PSD3: variants seen among roughly 807,000 people sequenced by gnomAD.
PSD3 encodes PH and SEC7 domain-containing protein 3.
In PSD3, 49 loss-of-function variants were observed where a neutral mutation model predicts 105.5. The ratio of observed to expected loss-of-function variants is 0.46; its 90% CI spans 0.37 to 0.59. The LOEUF (loss-of-function observed/expected upper bound fraction) is 0.59. PSD3 is among the 20% of genes least tolerant of loss of function. PSD3 has a pLI of 0.00. For synonymous variants in PSD3, 557 were observed against 457.8 expected (o/e 1.22, Z -2.77); for missense variants, 1,561 against 1,263.8 (o/e 1.24, Z -3.57).
At chr8:18,660,911 T>C (rs909363624) in intron 9 of PSD3, among the ~76,000 whole-genome samples, 1 of 152,214 alleles carries the variant, frequency 6.6e-6, no homozygotes, top group African/African-American at 2.4e-5. Context: ...AGAAAATTGC[T>C]TAAATTACAG....
intron 12 of PSD3, among the ~76,000 whole-genome samples, chr8:18,586,347 T>C (rs1803184164): frequency 6.6e-6 from 1 of 152,160 alleles, no homozygotes; most frequent in Non-Finnish European, 1.5e-5. Context: ...TTATTTGTTT[T>C]TCGGAGGGGG....
chr8:18,949,244 A>AAAAAAAAAAAAT (rs1345423514), intron 1 of PSD3, among the ~76,000 whole-genome samples: 10 of 14,408 alleles, frequency 6.9e-4, no homozygotes, highest in Non-Finnish European at 1.4e-3. Flanking sequence ...AAAAAAAAAA[A>AAAAAAAAAAAAT]ATATATATAT....
intron 1 of PSD3, among the ~76,000 whole-genome samples, chr8:19,040,999 C>T (rs893894355): frequency 2.6e-5 from 4 of 152,126 alleles, no homozygotes; most frequent in African/African-American, 9.7e-5. Context: ...CTCAAGTGAT[C>T]CTCTTGCCTC....
chr8:18,561,543 G>A (rs1238814787), intron 14 of PSD3, among the ~76,000 whole-genome samples: 1 of 152,156 alleles, frequency 6.6e-6, no homozygotes, highest in Non-Finnish European at 1.5e-5. Flanking sequence ...TGTGTATCAT[G>A]ATGGCTAGAG....
intron 1 of PSD3, among the ~76,000 whole-genome samples, chr8:18,972,312 T>C (rs968921513): frequency 1.3e-5 from 2 of 152,206 alleles, no homozygotes; most frequent in East Asian, 3.9e-4. Flanking sequence ...AACGCTGTTA[T>C]AATGTTCAGA....
intron 9 of PSD3, among the ~76,000 whole-genome samples, chr8:18,720,681 C>CT (rs1412357836): frequency 1.3e-5 from 2 of 152,150 alleles, no homozygotes; most frequent in African/African-American, 4.8e-5. Flanking sequence ...CAAACCCATC[C>CT]TCCCTGCCTG....
At chr8:18,821,103 T>C (rs1006929350) in intron 4 of PSD3, among the ~76,000 whole-genome samples, 1 of 152,142 alleles carries the variant, frequency 6.6e-6, no homozygotes, top group Non-Finnish European at 1.5e-5. Flanking sequence ...TTTTCATTTA[T>C]AGGTCATGAC....
At chr8:18,984,192 A>AAATAATAATAATAATAATAATAAT (rs59486224) in intron 1 of PSD3, among the ~76,000 whole-genome samples, 2 of 146,418 alleles carry the variant, frequency 1.4e-5, no homozygotes, top group Non-Finnish European at 3.0e-5. Context: ...CCTTCAATTA[A>AAATAATAATAATAATAATAATAAT]AATAATAATA....
At chr8:18,916,380 A>C (rs866535894) in intron 2 of PSD3, among the ~76,000 whole-genome samples, 6,101 of 141,464 alleles carry the variant, frequency 0.043, 350 homozygotes, top group Admixed American at 0.071. Flanking sequence ...ACACACACAA[A>C]CAGAATACTA....
intron 8 of PSD3, among the ~76,000 whole-genome samples, chr8:18,798,317 T>G (rs56153799): frequency 0.062 from 9,465 of 152,214 alleles, 363 homozygotes; most frequent in Middle Eastern, 0.095. Context: ...TAGCTGAGTA[T>G]TTTGAGATAT....
At chr8:18,969,206 C>T (rs1423760257) in intron 1 of PSD3, among the ~76,000 whole-genome samples, 3 of 152,176 alleles carry the variant, frequency 2.0e-5, no homozygotes, top group African/African-American at 7.2e-5. Flanking sequence ...TTAATAACAG[C>T]TGTAAAGTGC....
chr8:18,855,984 G>A (rs992975423), intron 4 of PSD3, among the ~76,000 whole-genome samples: 1 of 152,158 alleles, frequency 6.6e-6, no homozygotes, highest in Non-Finnish European at 1.5e-5. Flanking sequence ...AGCAACACCT[G>A]TTCAGTCTGG....
intron 2 of PSD3, among the ~76,000 whole-genome samples, chr8:18,877,806 G>A (rs1370965829): frequency 7.9e-5 from 12 of 152,004 alleles, no homozygotes; most frequent in Non-Finnish European, 1.6e-4. Context: ...GCCTTCCAGT[G>A]TCAGGATTAC....
intron 1 of PSD3, among the ~76,000 whole-genome samples, chr8:18,992,233 T>C (rs1293604718): frequency 1.3e-5 from 2 of 152,118 alleles, no homozygotes; most frequent in African/African-American, 4.8e-5. Context: ...AAAAGGTATG[T>C]CTCATTAAAT....
intron 4 of PSD3, among the ~76,000 whole-genome samples, chr8:18,812,503 T>C (rs572854712): frequency 3.3e-4 from 51 of 152,270 alleles, no homozygotes; most frequent in African/African-American, 1.2e-3. Context: ...GGGTAATGCA[T>C]GTGCCAGGGA....
At chr8:18,702,476 GTTCTT>G (rs764478109) in intron 9 of PSD3, among the ~76,000 whole-genome samples, 3 of 152,132 alleles carry the variant, frequency 2.0e-5, no homozygotes, top group Non-Finnish European at 4.4e-5. Context: ...GGGTATGTGT[GTTCTT>G]TTGACACATA....
intron 4 of PSD3, among the ~76,000 whole-genome samples, chr8:18,839,372 C>T (rs1814419845): frequency 6.6e-6 from 1 of 152,036 alleles, no homozygotes; most frequent in African/African-American, 2.4e-5. Flanking sequence ...GGATAAACAC[C>T]AAAAACAGTG....
intron 1 of PSD3, among the ~76,000 whole-genome samples, chr8:18,996,455 G>C (rs1413770711): frequency 6.6e-6 from 1 of 151,794 alleles, no homozygotes; most frequent in Non-Finnish European, 1.5e-5. Context: ...AAACAGTTTT[G>C]ATTTTTGATG....
intron 4 of PSD3, among the ~76,000 whole-genome samples, chr8:18,825,315 A>T (rs1813086132): frequency 6.6e-6 from 1 of 152,188 alleles, no homozygotes; most frequent in African/African-American, 2.4e-5. Context: ...AGACTCTCCA[A>T]ATTCAGTGTC....
Sources: allele counts gnomAD v4.1 joint callset (sites outside exome capture counted in the v4.1 genomes callset), GRCh38; gene constraint gnomAD v4.1.1; transcripts MANE v1.5; gene names NCBI Gene and HGNC (gene_info 2026-07-23, HGNC 2026-07-21).